Variants in USP34 observed in about 807,000 individuals in gnomAD.
The protein encoded by USP34 is ubiquitin carboxyl-terminal hydrolase 34.
A neutral mutation model predicts 460.3 loss-of-function variants in USP34; 70 were observed. The observed-to-expected ratio is 0.15, with a 90% CI of 0.13 to 0.19. The LOEUF is 0.19. Among genes scored for constraint, USP34 ranks in the 10% least tolerant of loss-of-function variants. The pLI is 1.00. For synonymous variants in USP34, 1,647 were observed against 1,405.3 expected (o/e 1.17, Z -3.85); for missense variants, 3,985 against 4,236.2 (o/e 0.94, Z 1.65).
Position 61,343,954 on chromosome 2 carries a change from T to C in USP34, c.2361A>G (p.Lys787=), listed in dbSNP as rs1281490139. ...SSSQVSAKSE[K]NMADFDGEES... ...CTTCACCATCAAAATCAGCCATATT[T>C]TTTTCTGATTTTGCACTAACCTGGG... The change falls in exon 16 of 80, where the codon AAA becomes AAG. Residue 787 remains lysine (K), a synonymous_variant. Transcript: ENST00000398571. 1 of 1,613,970 alleles carries C rather than the reference T, an allele frequency of 6.2e-7. No homozygotes were observed. Among genetic ancestry groups the C allele is most frequent in the Admixed American group, 1.7e-5 (1 of 60,022 alleles).
At chr2:61,305,279 C>T (rs570272033) in intron 27 of USP34, among the ~76,000 whole-genome samples, 13 of 151,740 alleles carry the variant, frequency 8.6e-5, no homozygotes, top group African/African-American at 2.7e-4. Flanking sequence ...GCCGAGATTA[C>T]GCCACTGCAC....
intron 67 of USP34, among the ~76,000 whole-genome samples, chr2:61,219,586 A>C (rs566047947): frequency 9.2e-5 from 14 of 151,772 alleles, no homozygotes; most frequent in Non-Finnish European, 1.3e-4. Flanking sequence ...TGAAAGAATC[A>C]GTTGAATTCA....
At chr2:61,402,352 C>G (rs929357276) in intron 3 of USP34, among the ~76,000 whole-genome samples, 3 of 152,032 alleles carry the variant, frequency 2.0e-5, no homozygotes, top group Non-Finnish European at 4.4e-5. Flanking sequence ...TGTCCAATTA[C>G]CGAACCTTTT....
intron 1 of USP34, among the ~76,000 whole-genome samples, chr2:61,447,118 C>T (rs957172229): frequency 6.6e-6 from 1 of 151,410 alleles, no homozygotes; most frequent in African/African-American, 2.4e-5. Context: ...AGCCTGGCAT[C>T]GTGGCATGCA....
intron 51 of USP34, among the ~76,000 whole-genome samples, chr2:61,244,123 A>T (rs1033385066): frequency 3.3e-5 from 5 of 152,144 alleles, no homozygotes; most frequent in Admixed American, 6.5e-5. Context: ...TCCAGACTGT[A>T]AATGGTTAAT....
At chr2:61,251,406 T>C (rs938088540) in intron 48 of USP34, among the ~76,000 whole-genome samples, 2 of 152,204 alleles carry the variant, frequency 1.3e-5, no homozygotes, top group African/African-American at 2.4e-5. Flanking sequence ...GTAGAAAATA[T>C]TGTTTAATTT....
At chr2:61,466,921 T>C (rs1232251873) in intron 1 of USP34, among the ~76,000 whole-genome samples, 1 of 151,026 alleles carries the variant, frequency 6.6e-6, no homozygotes, top group South Asian at 2.1e-4. Context: ...AAAAAAAATT[T>C]ATTACACTCG....
At chr2:61,405,586 A>T (rs944368234) in intron 3 of USP34, 122 bp downstream of exon 3, 3 of 979,820 alleles carry the variant, frequency 3.1e-6, no homozygotes, top group Non-Finnish European at 4.4e-6. Flanking sequence ...AACATTAAAT[A>T]ATTCTGGTGA....
chr2:61,262,259 G>A (rs984796071), intron 43 of USP34, among the ~76,000 whole-genome samples: 28 of 150,918 alleles, frequency 1.9e-4, no homozygotes, highest in African/African-American at 6.3e-4. Context: ...CGTGTGTCAC[G>A]TAAGTTTGGT....
At chr2:61,287,732 C>G (rs1335575324) in intron 34 of USP34, among the ~76,000 whole-genome samples, 1 of 152,150 alleles carries the variant, frequency 6.6e-6, no homozygotes, top group Non-Finnish European at 1.5e-5. Flanking sequence ...ACAAAATATG[C>G]ATTCACCAAC....
chr2:61,262,347 A>AC (rs1688914865), intron 43 of USP34, among the ~76,000 whole-genome samples: 2 of 151,922 alleles, frequency 1.3e-5, no homozygotes, highest in Admixed American at 6.6e-5. Context: ...CCCACACTCC[A>AC]CCCTCAGGTA....
At chr2:61,306,874 A>G (rs538297501) in intron 27 of USP34, among the ~76,000 whole-genome samples, 2 of 152,316 alleles carry the variant, frequency 1.3e-5, no homozygotes, top group Non-Finnish European at 2.9e-5. Context: ...GTGGGACTGT[A>G]AACTAGTTCA....
In USP34 at chr2:61,222,992, C is replaced by A. The variant is rs537673545; in HGVS notation, c.7749+68G>T. On this transcript the variant is annotated intron_variant, in intron 64 of 79. Transcript: ENST00000398571. ...GATTACAGGCATGAGCCACCGCACT[C>A]GGCCAGATTTCAGGGTATTCTTTTT... 55 of 1,382,480 alleles carry A rather than the reference C, an allele frequency of 4.0e-5. No individual in the cohort carries two copies. The African/African-American group carries it at 7.2e-4, about 18-fold the overall frequency. 85.6% of individuals were successfully genotyped at this position (1,382,480 alleles called of 1,614,324 possible).
At chr2:61,451,189 C>G (rs1324600266) in intron 1 of USP34, among the ~76,000 whole-genome samples, 1 of 134,192 alleles carries the variant, frequency 7.5e-6, no homozygotes, top group African/African-American at 3.0e-5. Context: ...CCACTGCACT[C>G]CAGCCCAGGT....
At chr2:61,273,001 A>C (rs951642748) in intron 41 of USP34, among the ~76,000 whole-genome samples, 1 of 152,222 alleles carries the variant, frequency 6.6e-6, no homozygotes, top group African/African-American at 2.4e-5. Context: ...AACTGAAAAC[A>C]GTCTACCAAC....
intron 6 of USP34, among the ~76,000 whole-genome samples, chr2:61,381,724 C>G (rs1346336850): frequency 6.6e-6 from 1 of 152,168 alleles, no homozygotes; most frequent in African/African-American, 2.4e-5. Flanking sequence ...AGACTCACCT[C>G]TACTCTTTTC....
chr2:61,252,314 C>A (rs1688606991), intron 48 of USP34, among the ~76,000 whole-genome samples: 1 of 152,152 alleles, frequency 6.6e-6, no homozygotes, highest in Non-Finnish European at 1.5e-5. Context: ...AGATTACCTA[C>A]CCGATACTAT....
Position 61,278,438 on chromosome 2 carries a change from C to G in USP34, c.5262G>C (p.Thr1754=), listed in dbSNP as rs543804965. Residue 1754 remains threonine, a synonymous_variant, in exon 40 of 80, where the codon ACG becomes ACC. Coordinates refer to ENST00000398571, the MANE Select transcript of USP34 (RefSeq NM_014709.4). ...TTGCCAAGGCATCTAAGTCGAGGAG[C>G]GTTGTCTTAATACAAAAAGAAAATA... The part of the protein sequence containing the change: ...NIHIKDASQT[T]LLDLDALARH... The G allele has an allele frequency of 1.3e-6, 2 of 1,569,642 alleles. No homozygotes were observed. Among genetic ancestry groups the G allele is most frequent in the Admixed American group, 2.0e-5 (1 of 49,070 alleles).
At chr2:61,210,618 T>A (rs1474854228) in intron 69 of USP34, among the ~76,000 whole-genome samples, 2 of 152,254 alleles carry the variant, frequency 1.3e-5, no homozygotes, top group Non-Finnish European at 2.9e-5. Flanking sequence ...TAACAGGTCT[T>A]CTTTCATTAG....
Sources: gnomAD v4.1 joint callset for allele counts (sites outside exome capture counted in the v4.1 genomes callset) on GRCh38, gnomAD v4.1.1 for gene constraint, MANE v1.5 for transcripts, NCBI Gene and HGNC (gene_info 2026-07-23, HGNC 2026-07-21) for gene names.